APBA1: variants seen among roughly 807,000 people sequenced by gnomAD.
APBA1 encodes the protein amyloid beta precursor protein binding family A member 1.
In APBA1, 55 loss-of-function variants were observed where a neutral mutation model predicts 86.6. The ratio of observed to expected loss-of-function variants is 0.64; its 90% CI spans 0.51 to 0.80. APBA1 has a LOEUF of 0.80. Ranked by LOEUF, APBA1 falls within the 30% of genes least tolerant of loss-of-function variation. The probability of loss-of-function intolerance (pLI) is 0.00; values close to 1 mark genes in which losing one functional copy is unlikely to be tolerated. For missense variants in APBA1, 1,090 were observed against 1,183.0 expected, an observed-to-expected ratio of 0.92 and a Z score of 1.15; for synonymous variants, 511 against 493.9, an observed-to-expected ratio of 1.03 and a Z score of -0.46.
chr9:69,471,032 C>T lies in APBA1; in HGVS notation c.1336+624G>A, dbSNP rs142623313. ...CCTGCCAATTCATAGCCTGGGTCTGCACTGCCAACTGTGGGATCTTGGGCA... is the reference window on the plus strand; with the variant it reads ...CCTGCCAATTCATAGCCTGGGTCTGTACTGCCAACTGTGGGATCTTGGGCA... On this transcript the variant is annotated intron_variant, in intron 4 of 12. Transcript: ENST00000265381. Among the ~76,000 whole-genome samples, 37 of 152,312 alleles carry T rather than the reference C, an allele frequency of 2.4e-4. No homozygotes were observed. In the East Asian group the frequency reaches 6.2e-3, roughly 25 times the overall value.
chr9:69,649,447 C>T (rs1016735274), intron 1 of APBA1, among the ~76,000 whole-genome samples: 3 of 152,046 alleles, frequency 2.0e-5, no homozygotes, highest in Non-Finnish European at 2.9e-5. Flanking sequence ...TCACTTACCC[C>T]CTAGAGTCAC....
chr9:69,485,306 G>A (rs532362779), intron 2 of APBA1, among the ~76,000 whole-genome samples: 1 of 152,150 alleles, frequency 6.6e-6, no homozygotes, highest in East Asian at 1.9e-4. Flanking sequence ...ACATGGCCGC[G>A]TGAAGCCTAA....
At chr9:69,497,367 C>T (rs1314103396) in intron 2 of APBA1, among the ~76,000 whole-genome samples, 1 of 152,040 alleles carries the variant, frequency 6.6e-6, no homozygotes, top group East Asian at 1.9e-4. Flanking sequence ...ACCAAGACCC[C>T]TTAACTCTGT....
rs577701615 is a variant in APBA1 at position 69,540,833 on chromosome 9, G to A, written c.-69-23554C>T. On this transcript the variant is annotated intron_variant, in intron 1 of 12. Coordinates refer to ENST00000265381, the MANE Select transcript of APBA1 (RefSeq NM_001163.4). Reference sequence around the variant, plus strand: ...AGGTTGGTCTTGAACTTGAACTTTCGGCCTCAAGAAATCCTCCCAACTTGG... The same window carrying A: ...AGGTTGGTCTTGAACTTGAACTTTCAGCCTCAAGAAATCCTCCCAACTTGG... Among the ~76,000 whole-genome samples the A allele has an allele frequency of 7.2e-5, 11 of 152,134 alleles. No individual in the cohort carries two copies. In the South Asian group the frequency reaches 1.9e-3, roughly 26 times the overall value.
intron 1 of APBA1, among the ~76,000 whole-genome samples, chr9:69,590,411 G>C (rs1822107627): frequency 6.6e-6 from 1 of 152,156 alleles, no homozygotes; most frequent in Non-Finnish European, 1.5e-5. Flanking sequence ...ATGTGCTGCA[G>C]GGTAAGCTCC....
intron 1 of APBA1, among the ~76,000 whole-genome samples, chr9:69,660,871 T>C (rs927529406): frequency 6.6e-6 from 1 of 152,046 alleles, no homozygotes; most frequent in Non-Finnish European, 1.5e-5. Flanking sequence ...ACAAGAGAGA[T>C]GGAAAAGATG....
chr9:69,620,830 G>A (rs1233643678), intron 1 of APBA1, among the ~76,000 whole-genome samples: 1 of 152,224 alleles, frequency 6.6e-6, no homozygotes, highest in African/African-American at 2.4e-5. Context: ...GGAGGGAGGT[G>A]TTACAGTGTG....
intron 1 of APBA1, among the ~76,000 whole-genome samples, chr9:69,582,657 T>C (rs1045662597): frequency 6.6e-6 from 1 of 152,148 alleles, no homozygotes; most frequent in African/African-American, 2.4e-5. Context: ...TGGCTTTATC[T>C]TCCCATTCAG....
At chr9:69,648,019 C>T (rs1823424528) in intron 1 of APBA1, among the ~76,000 whole-genome samples, 1 of 152,190 alleles carries the variant, frequency 6.6e-6, no homozygotes, top group Non-Finnish European at 1.5e-5. Flanking sequence ...GCTGCAGCCG[C>T]CCCCACCACT....
At position 69,452,191 on chromosome 9, in the gene APBA1, G is replaced by T. The variant is rs776113631; in HGVS notation, c.1899C>A (p.Asp633Glu). ...TGTACATGTCCTGGGTATTGAGCAG[G>T]TCACTATACTCCTTCTGGCTGAGAT... ...PEDLSQKEYS[D>E]LLNTQDMYND... The change falls in exon 9 of 13, where the codon GAC becomes GAA. Residue 633 changes from aspartate (D) to glutamate (E), a missense_variant. By Grantham distance (45) the Asp-to-Glu change is conservative (BLOSUM62 2). Coordinates refer to ENST00000265381, the MANE Select transcript of APBA1 (RefSeq NM_001163.4). The T allele has an allele frequency of 6.8e-6, 11 of 1,614,094 alleles. No homozygotes were observed. The highest frequency in any genetic ancestry group is 2.7e-5 in the African/African-American group (2 of 74,944).
In APBA1 at chr9:69,617,097, C is replaced by CCT. The variant is rs1822716033; in HGVS notation, c.-70+55054_-70+55055dup. ...ATCTGCCCAGCAACTGCCTGTCCAA[C>CCT]CTCAGACTGGTGCCATCCTTGTTGT... is the stretch of plus-strand genomic sequence containing the variant. On this transcript the variant is annotated intron_variant, in intron 1 of 12. Coordinates refer to ENST00000265381, the MANE Select transcript of APBA1 (RefSeq NM_001163.4). 1.3e-5 allele frequency among the ~76,000 whole-genome samples: 2 copies of CCT among 152,124 alleles called. 1 individual carries two copies. Among genetic ancestry groups the CCT allele is most frequent in the South Asian group, 4.1e-4 (2 of 4,828 alleles).
At position 69,599,060 on chromosome 9, in the gene APBA1, G is replaced by C. The variant is rs533823187; in HGVS notation, c.-70+73093C>G. Among the ~76,000 whole-genome samples, 31 of 152,282 alleles carry C rather than the reference G, an allele frequency of 2.0e-4. No homozygotes were observed. In the South Asian group the frequency reaches 5.4e-3, roughly 27 times the overall value. ...AAAAGTAGAATTGGTGGTAGCCAGG[G>C]GCTGGGAAGAGAGGGAAAGGGGAAG... On this transcript the variant is annotated intron_variant, in intron 1 of 12. Coordinates refer to ENST00000265381, the MANE Select transcript of APBA1 (RefSeq NM_001163.4).
intron 1 of APBA1, among the ~76,000 whole-genome samples, chr9:69,534,207 A>AAAT (rs1327588747): frequency 6.6e-6 from 1 of 152,196 alleles, no homozygotes; most frequent in Non-Finnish European, 1.5e-5. Context: ...AGGACCTGCC[A>AAAT]TTTATATATG....
intron 2 of APBA1, among the ~76,000 whole-genome samples, chr9:69,476,625 C>T (rs183042985): frequency 1.7e-3 from 264 of 151,436 alleles, no homozygotes; most frequent in African/African-American, 5.9e-3. Context: ...ACCATACCAC[C>T]TGTATTTTCC....
intron 1 of APBA1, among the ~76,000 whole-genome samples, chr9:69,566,138 G>A (rs1195692498): frequency 1.3e-5 from 2 of 152,198 alleles, no homozygotes; most frequent in African/African-American, 4.8e-5. Context: ...TTTCCTCAAA[G>A]ATCCTTCCCT....
At chr9:69,530,910 T>A (rs745799230) in intron 1 of APBA1, among the ~76,000 whole-genome samples, 4 of 152,208 alleles carry the variant, frequency 2.6e-5, no homozygotes, top group African/African-American at 4.8e-5. Context: ...GTCTTAATGG[T>A]TCATGTCTCT....
intron 1 of APBA1, among the ~76,000 whole-genome samples, chr9:69,632,980 C>G (rs1774799730): frequency 6.6e-6 from 1 of 151,778 alleles, no homozygotes; most frequent in Non-Finnish European, 1.5e-5. Context: ...TCCCCCCCTG[C>G]TGGGTCATGA....
chr9:69,633,834 T>C (rs976419513), intron 1 of APBA1, among the ~76,000 whole-genome samples: 1 of 152,210 alleles, frequency 6.6e-6, no homozygotes, highest in Non-Finnish European at 1.5e-5. Flanking sequence ...AGGCTGCAGC[T>C]CTTAATTATA....
chr9:69,655,101 A>G (rs1167852399), intron 1 of APBA1, among the ~76,000 whole-genome samples: 1 of 152,208 alleles, frequency 6.6e-6, no homozygotes, highest in Non-Finnish European at 1.5e-5. Flanking sequence ...CACAGCTAAC[A>G]TCATGCTGAA....
Sources: gnomAD v4.1 joint callset for allele counts (sites outside exome capture counted in the v4.1 genomes callset) on GRCh38, gnomAD v4.1.1 for gene constraint, MANE v1.5 for transcripts, NCBI Gene and HGNC (gene_info 2026-07-23, HGNC 2026-07-21) for gene names.